The following ATP10D variants were observed in gnomAD, a reference collection of about 807,000 sequenced individuals.
The protein encoded by ATP10D is phospholipid-transporting ATPase VD.
A neutral mutation model predicts 144.8 loss-of-function variants in ATP10D; 89 were observed. The ratio of observed to expected loss-of-function variants is 0.61; its 90% CI spans 0.52 to 0.73. ATP10D has a LOEUF of 0.73. Among genes scored for constraint, ATP10D ranks in the 30% least tolerant of loss-of-function variants. The probability of loss-of-function intolerance (pLI) is 0.00; values close to 1 mark genes in which losing one functional copy is unlikely to be tolerated. For synonymous variants in ATP10D, 571 were observed against 615.1 expected (o/e 0.93, Z 1.06); for missense variants, 1,603 against 1,714.8 (o/e 0.93, Z 1.15).
intron 5 of ATP10D, among the ~76,000 whole-genome samples, chr4:47,531,283 G>C (rs1717556027): frequency 6.6e-6 from 1 of 152,188 alleles, no homozygotes; most frequent in South Asian, 2.1e-4. Flanking sequence ...GCAGTGGAAA[G>C]AGGGAAAGGC....
At position 47,558,120 on chromosome 4, in the gene ATP10D, C is replaced by T. The variant is rs1351263870; in HGVS notation, c.2281C>T (p.Pro761Ser). The T allele has an allele frequency of 1.9e-6, 3 of 1,614,178 alleles. No homozygotes were observed. Among genetic ancestry groups the T allele is most frequent in the Non-Finnish European group, 2.5e-6 (3 of 1,180,030 alleles). The change falls in exon 12 of 23, where the codon CCA (proline) becomes TCA (serine). Residue 761 changes from proline to serine, a missense_variant. By Grantham distance (74) the Pro-to-Ser change is moderately conservative (BLOSUM62 -1). Transcript: ENST00000273859. Reference sequence around the variant, plus strand: ...CATGGTGGACTTTGCTGCTTTGGGACCATTAACATTTCAACTCCTACACAT... The same window carrying T: ...CATGGTGGACTTTGCTGCTTTGGGATCATTAACATTTCAACTCCTACACAT... ...QVMVDFAALG[P>S]LTFQLLHILP...
intron 10 of ATP10D, among the ~76,000 whole-genome samples, chr4:47,549,169 A>G (rs13151340): frequency 0.24 from 36,173 of 152,152 alleles, 4,305 homozygotes; most frequent in Admixed American, 0.3. Context: ...ATGTTTATGC[A>G]TCTTTAATCT....
intron 2 of ATP10D, among the ~76,000 whole-genome samples, chr4:47,513,033 C>A (rs559638637): frequency 0.014 from 2,064 of 152,164 alleles, 20 homozygotes; most frequent in Non-Finnish European, 0.023. Flanking sequence ...TTCTCTTTAC[C>A]AGAAAAGATA....
At chr4:47,503,637 C>T (rs542423055) in intron 1 of ATP10D, among the ~76,000 whole-genome samples, 2 of 152,292 alleles carry the variant, frequency 1.3e-5, no homozygotes, top group African/African-American at 4.8e-5. Context: ...TGGCTCTCCC[C>T]TGTAATCCCA....
intron 10 of ATP10D, chr4:47,547,092 A>G (rs1718482840): frequency 2.4e-6 from 1 of 414,734 alleles, no homozygotes; most frequent in Non-Finnish European, 4.2e-6. Flanking sequence ...CCATTTCTGA[A>G]AAAAAAAAAG....
chr4:47,587,812 C>T (rs905444667), intron 22 of ATP10D, among the ~76,000 whole-genome samples: 6 of 152,098 alleles, frequency 3.9e-5, no homozygotes, highest in East Asian at 1.9e-4. Context: ...TAAAAACAGC[C>T]GCTAAATTTC....
intron 11 of ATP10D, among the ~76,000 whole-genome samples, chr4:47,556,053 C>CA (rs887029345): frequency 1.3e-5 from 2 of 151,888 alleles, no homozygotes; most frequent in Non-Finnish European, 1.5e-5. Flanking sequence ...CACACCTGAC[C>CA]AAAAAAAGCT....
In ATP10D at chr4:47,502,547, A is replaced by AAT. The variant is rs575192557; in HGVS notation, c.-37-9946_-37-9945dup. ...CAATGTCTGAATGGACCATCCATAAAATATATATATATTTGATAATATATA... is the reference window on the plus strand; with the variant it reads ...CAATGTCTGAATGGACCATCCATAAAATATATATATATATTTGATAATATATA... On this transcript the variant is annotated intron_variant, in intron 1 of 22. Transcript: ENST00000273859. Among the ~76,000 whole-genome samples the AAT allele has an allele frequency of 4.4e-4, 66 of 148,798 alleles. No homozygotes were observed. The East Asian group carries it at 8.6e-3, about 19-fold the overall frequency.
chr4:47,580,362 A>G (rs1266173897), intron 19 of ATP10D, 36 bp from the exon 20 acceptor site: 1 of 1,513,138 alleles, frequency 6.6e-7, no homozygotes, highest in Non-Finnish European at 9.2e-7. Flanking sequence ...ACCCTTGTTA[A>G]TCTTACTACC....
intron 1 of ATP10D, among the ~76,000 whole-genome samples, chr4:47,494,811 A>G (rs1460773814): frequency 6.6e-6 from 1 of 152,226 alleles, no homozygotes; most frequent in Non-Finnish European, 1.5e-5. Flanking sequence ...AAAACTCTAT[A>G]TGCCCTACAT....
At chr4:47,560,144 T>G (rs1249488077) in intron 13 of ATP10D, 1 of 152,210 alleles carries the variant, frequency 6.6e-6, no homozygotes, top group Admixed American at 6.5e-5. Context: ...TGTCAGATTC[T>G]CTCAAATCGA....
chr4:47,490,764 T>C (rs1290616149), intron 1 of ATP10D, among the ~76,000 whole-genome samples: 1 of 152,230 alleles, frequency 6.6e-6, no homozygotes, highest in Non-Finnish European at 1.5e-5. Context: ...GGATTGCTGT[T>C]GTCACAGATG....
At chr4:47,563,874 C>T in intron 15 of ATP10D, 109 bp downstream of exon 15, 1 of 1,107,058 alleles carries the variant, frequency 9.0e-7, no homozygotes, top group South Asian at 2.1e-5. Context: ...CAACCGTTAG[C>T]TTTTTTTGTT....
In ATP10D at chr4:47,561,223, A is replaced by G. The variant is rs1168387734; in HGVS notation, c.2668+148A>G. The G allele has an allele frequency of 8.5e-6, 9 of 1,059,140 alleles. No individual in the cohort carries two copies. The East Asian group carries it at 1.5e-4, about 18-fold the overall frequency. The allele number at this position is 1,059,140 out of a possible 1,614,324, so 65.6% of individuals were successfully genotyped here. On this transcript the variant is annotated intron_variant, in intron 14 of 22. Transcript: ENST00000273859. ...CAGTCTGATCTCTATCCAACTTCCA[A>G]TCCATTCTATTCTGTTGTCCACTGC...
intron 1 of ATP10D, among the ~76,000 whole-genome samples, chr4:47,488,649 T>A (rs1714905037): frequency 6.7e-6 from 1 of 148,952 alleles, no homozygotes. Flanking sequence ...AATGGTAAGC[T>A]CTGTATTTTA....
In ATP10D at chr4:47,572,199, G is replaced by T; in HGVS notation, c.3209G>T (p.Gly1070Val). ...DVSMIQVADI[G>V]IGVSGQEGMQ... ...AGCATGATACAAGTGGCAGACATTG[G>T]GATAGGGGTCTCAGGTCAAGAAGGC... The change falls in exon 17 of 23, where the codon GGG becomes GTG. Residue 1070 changes from glycine (G) to valine (V), a missense_variant. Transcript: ENST00000273859. 6.2e-7 allele frequency: 1 copy of T among 1,614,018 alleles called. No homozygotes were observed. The highest frequency in any genetic ancestry group is 2.2e-5 in the East Asian group (1 of 44,866).
intron 16 of ATP10D, among the ~76,000 whole-genome samples, 168 bp downstream of exon 16, chr4:47,569,314 T>G (rs1719822871): frequency 6.6e-6 from 1 of 152,310 alleles, no homozygotes; most frequent in East Asian, 1.9e-4. Flanking sequence ...CTCCATCACC[T>G]ATTTGAGCAC....
At chr4:47,523,252 AT>A (rs752006414) in intron 4 of ATP10D, 36 bp downstream of exon 4, 17 of 1,543,936 alleles carry the variant, frequency 1.1e-5, no homozygotes, top group East Asian at 2.3e-5. Context: ...GCTTATTAAC[AT>A]TTTTTTTCAG....
chr4:47,576,853 C>G lies in ATP10D; in HGVS notation c.3447C>G (p.Ile1149Met). The G allele has an allele frequency of 1.9e-6, 3 of 1,614,166 alleles. No individual in the cohort carries two copies. The highest frequency in any genetic ancestry group is 2.5e-6 in the Non-Finnish European group (3 of 1,180,020). The change falls in exon 19 of 23, where the codon ATC becomes ATG. Residue 1149 changes from isoleucine to methionine, a missense_variant. Transcript: ENST00000273859. ...GTSMTDYWVL[I>M]FFNLLFTSAP... ...CCATGACTGATTACTGGGTTTTGATCTTCTTCAACCTCCTCTTCACATCTG... is the reference window on the plus strand; with the variant it reads ...CCATGACTGATTACTGGGTTTTGATGTTCTTCAACCTCCTCTTCACATCTG...
Sources: allele counts gnomAD v4.1 joint callset (sites outside exome capture counted in the v4.1 genomes callset), GRCh38; gene constraint gnomAD v4.1.1; transcripts MANE v1.5; gene names NCBI Gene and HGNC (gene_info 2026-07-23, HGNC 2026-07-21).